DENND5B: variants seen among roughly 807,000 people sequenced by gnomAD.
DENND5B encodes the protein DENN domain-containing protein 5B.
Under a neutral mutation model 140.6 loss-of-function variants are expected in DENND5B, and 34 were observed. The ratio of observed to expected loss-of-function variants is 0.24; its 90% CI spans 0.18 to 0.32. The LOEUF is 0.32. Among genes scored for constraint, DENND5B ranks in the 10% least tolerant of loss-of-function variants. The pLI is 1.00. For missense variants in DENND5B, 1,142 were observed against 1,560.2 expected (o/e 0.73, Z 4.52); for synonymous variants, 551 against 562.1 (o/e 0.98, Z 0.28).
intron 1 of DENND5B, among the ~76,000 whole-genome samples, chr12:31,516,702 T>C (rs779560112): frequency 5.3e-5 from 8 of 152,202 alleles, no homozygotes; most frequent in African/African-American, 1.2e-4. Context: ...CCATCTGATC[T>C]ATATATTATT....
At chr12:31,515,922 T>G (rs548930743) in intron 1 of DENND5B, among the ~76,000 whole-genome samples, 1 of 152,162 alleles carries the variant, frequency 6.6e-6, no homozygotes, top group Non-Finnish European at 1.5e-5. Context: ...AAAATTCAAC[T>G]GTTAGAGACA....
At chr12:31,504,372 C>T (rs183260582) in intron 1 of DENND5B, among the ~76,000 whole-genome samples, 3 of 152,276 alleles carry the variant, frequency 2.0e-5, no homozygotes, top group Non-Finnish European at 4.4e-5. Flanking sequence ...ATGCCAAGAA[C>T]ACATCTCTCT....
rs77066152 is a variant in DENND5B, at chr12:31,459,641, A to C, written c.1092+553T>G. ...ACAACACACAGAAAGTATAACTTTA[A>C]GGTGGCATAAAAACTAGGTGTTAGA... On this transcript the variant is annotated intron_variant, in intron 4 of 20. Transcript: ENST00000389082. Among the ~76,000 whole-genome samples the C allele has an allele frequency of 4.1e-3, 631 of 152,304 alleles. 5 individuals are homozygous for C. The highest frequency in any genetic ancestry group is 0.014 in the African/African-American group (575 of 41,576).
intron 4 of DENND5B, among the ~76,000 whole-genome samples, chr12:31,459,608 T>C (rs143442281): frequency 6.3e-4 from 96 of 152,248 alleles, no homozygotes; most frequent in African/African-American, 2.3e-3. Context: ...TTTTAAACAT[T>C]TGAAAGTACA....
intron 15 of DENND5B, among the ~76,000 whole-genome samples, chr12:31,400,656 C>T (rs916412557): frequency 1.3e-5 from 2 of 152,100 alleles, no homozygotes; most frequent in African/African-American, 4.8e-5. Flanking sequence ...TGCCTAATAA[C>T]TGTATCAGGG....
At chr12:31,416,633 GC>G (rs1942754414) in intron 11 of DENND5B, among the ~76,000 whole-genome samples, 1 of 151,948 alleles carries the variant, frequency 6.6e-6, no homozygotes, top group South Asian at 2.1e-4. Flanking sequence ...TATAAATTAA[GC>G]TACTAAAAAA....
intron 8 of DENND5B, among the ~76,000 whole-genome samples, chr12:31,428,978 G>A (rs1006171640): frequency 8.6e-5 from 13 of 151,990 alleles, no homozygotes; most frequent in African/African-American, 2.9e-4. Context: ...TGATCCACCC[G>A]CCTCGGCCTC....
At chr12:31,397,178 AT>A (rs1941520039) in intron 17 of DENND5B, among the ~76,000 whole-genome samples, 1 of 152,114 alleles carries the variant, frequency 6.6e-6, no homozygotes, top group Non-Finnish European at 1.5e-5. Flanking sequence ...TCACTCCTTT[AT>A]AGTATTTTGT....
At chr12:31,464,104 T>C (rs1945148711) in intron 3 of DENND5B, among the ~76,000 whole-genome samples, 2 of 152,228 alleles carry the variant, frequency 1.3e-5, no homozygotes, top group African/African-American at 2.4e-5. Flanking sequence ...CTTTTTATAA[T>C]TGATACTCAA....
chr12:31,483,010 G>A (rs1346021548), intron 2 of DENND5B, among the ~76,000 whole-genome samples: 1 of 152,168 alleles, frequency 6.6e-6, no homozygotes, highest in Non-Finnish European at 1.5e-5. Context: ...CTCTGCTCCA[G>A]CAACAATGGC....
At chr12:31,506,934 C>G (rs910252066) in intron 1 of DENND5B, among the ~76,000 whole-genome samples, 3 of 152,174 alleles carry the variant, frequency 2.0e-5, no homozygotes, top group African/African-American at 7.2e-5. Flanking sequence ...GGCTTTACTA[C>G]ATATGCACAA....
At chr12:31,534,869 T>C in intron 1 of DENND5B, 1 of 431,302 alleles carries the variant, frequency 2.3e-6, no homozygotes, top group Non-Finnish European at 4.6e-6. Flanking sequence ...TAGGTTATCT[T>C]TGCTGTCTCC....
intron 1 of DENND5B, among the ~76,000 whole-genome samples, chr12:31,560,711 T>C (rs2139324307): frequency 6.6e-6 from 1 of 152,304 alleles, no homozygotes; most frequent in South Asian, 2.1e-4. Context: ...TGGGGCCTCC[T>C]GTGGCTTCCC....
chr12:31,443,044 TTGTG>T (rs60242727), intron 6 of DENND5B, 119 bp from the exon 7 acceptor site: 67 of 505,840 alleles, frequency 1.3e-4, no homozygotes, highest in African/African-American at 2.3e-4. Context: ...GAAACAGATA[TTGTG>T]TGTGTGTGTG....
At chr12:31,553,072 CTCTGA>C (rs1224320069) in intron 1 of DENND5B, among the ~76,000 whole-genome samples, 2 of 152,068 alleles carry the variant, frequency 1.3e-5, no homozygotes, top group African/African-American at 4.8e-5. Context: ...TCCAGTTCTG[CTCTGA>C]TCTTAGTTAT....
At chr12:31,391,034 G>A (rs1050279331) in intron 19 of DENND5B, among the ~76,000 whole-genome samples, 1 of 152,038 alleles carries the variant, frequency 6.6e-6, no homozygotes, top group African/African-American at 2.4e-5. Flanking sequence ...AAACAAAAAC[G>A]TTCTATCATG....
At chr12:31,564,780 G>A (rs1353138493) in intron 1 of DENND5B, among the ~76,000 whole-genome samples, 2 of 151,424 alleles carry the variant, frequency 1.3e-5, no homozygotes, top group Non-Finnish European at 2.9e-5. Flanking sequence ...TTAGAGACAG[G>A]GTTTTGCCAT....
intron 2 of DENND5B, 34 bp downstream of exon 2, chr12:31,495,776 C>T: frequency 6.8e-7 from 1 of 1,469,688 alleles, no homozygotes. Flanking sequence ...GAAAACAAGG[C>T]TAAAGAGTAA....
intron 1 of DENND5B, among the ~76,000 whole-genome samples, chr12:31,498,009 T>C (rs771920326): frequency 6.6e-6 from 1 of 151,288 alleles, no homozygotes; most frequent in Admixed American, 6.6e-5. Flanking sequence ...AAAAGAAAGA[T>C]AGATTGATTT....
Sources: gnomAD v4.1 joint callset for allele counts (sites outside exome capture counted in the v4.1 genomes callset) on GRCh38, gnomAD v4.1.1 for gene constraint, MANE v1.5 for transcripts, NCBI Gene and HGNC (gene_info 2026-07-23, HGNC 2026-07-21) for gene names.